FAF2: variants seen among roughly 807,000 people sequenced by gnomAD.
The protein encoded by FAF2 is Fas associated factor family member 2.
Under a neutral mutation model 62.3 loss-of-function variants are expected in FAF2, and 9 were observed. The observed-to-expected ratio is 0.14, with a 90% CI of 0.09 to 0.25. FAF2 has a LOEUF of 0.25. Ranked by LOEUF, FAF2 falls within the 10% of genes least tolerant of loss-of-function variation. The pLI is 1.00. For synonymous variants in FAF2, 202 were observed against 198.0 expected (o/e 1.02, Z -0.17); for missense variants, 368 against 556.2 (o/e 0.66, Z 3.40).
intron 10 of FAF2, among the ~76,000 whole-genome samples, chr5:176,505,469 A>AT (rs1182772571): frequency 3.3e-5 from 5 of 152,190 alleles, no homozygotes; most frequent in South Asian, 2.1e-4. Context: ...ATTGTATTGT[A>AT]TTTTTTTGTC....
rs185568689 is a variant in FAF2, at chr5:176,484,075, A to T, written c.133-2280A>T. On this transcript the variant is annotated intron_variant, in intron 2 of 10. Coordinates refer to ENST00000261942, the MANE Select transcript of FAF2 (RefSeq NM_014613.3). ...GTGACAGAGCTAGACTCCGTCTCAAAAAAAGAAAAAAAAAGAAAAAAAGGG... is the reference window on the plus strand; with the variant it reads ...GTGACAGAGCTAGACTCCGTCTCAATAAAAGAAAAAAAAAGAAAAAAAGGG... Among the ~76,000 whole-genome samples, 5 of 152,190 alleles carry T rather than the reference A, an allele frequency of 3.3e-5. No homozygotes were observed. In the East Asian group the frequency reaches 7.7e-4, roughly 24 times the overall value.
chr5:176,454,765 C>G (rs547465119), intron 1 of FAF2, among the ~76,000 whole-genome samples: 1 of 152,250 alleles, frequency 6.6e-6, no homozygotes, highest in South Asian at 2.1e-4. Flanking sequence ...TGGAAGCTCT[C>G]TTAACCTTAA....
Position 176,448,612 on chromosome 5 carries a change from C to T in FAF2, c.63+142C>T, listed in dbSNP as rs1041926214. 136 of 809,084 alleles carry T rather than the reference C, an allele frequency of 1.7e-4. 3 individuals carry two copies. The South Asian group carries it at 2.4e-3, about 14-fold the overall frequency. The allele number at this position is 809,084 out of a possible 1,614,324, so 50.1% of individuals were successfully genotyped here. On this transcript the variant is annotated intron_variant, in intron 1 of 10. Transcript: ENST00000261942. ...CCCCTCCCCCCCAGACTCCAACTGCCCTGATTCCCCCGGCCCCCAAGCCTC... is the reference window on the plus strand; with the variant it reads ...CCCCTCCCCCCCAGACTCCAACTGCTCTGATTCCCCCGGCCCCCAAGCCTC...
At chr5:176,482,893 GTTTTGT>G (rs1050221824) in intron 2 of FAF2, among the ~76,000 whole-genome samples, 13 of 144,728 alleles carry the variant, frequency 9.0e-5, no homozygotes, top group African/African-American at 1.3e-4. Flanking sequence ...GTGGTTTGTG[GTTTTGT>G]TGTTGTTGTT....
chr5:176,508,487 G>A lies in FAF2; in HGVS notation c.*1537G>A, dbSNP rs1581080150. Reference sequence around the variant, plus strand: ...CTAAAACCTAAGGACCACTGTTTTTGGTAGCAATTATATGGTTACTATCCA... The same window carrying A: ...CTAAAACCTAAGGACCACTGTTTTTAGTAGCAATTATATGGTTACTATCCA... On this transcript the variant is annotated 3_prime_UTR_variant, in exon 11 of 11. Transcript: ENST00000261942. The A allele has an allele frequency of 6.6e-6, 1 of 152,108 alleles. No homozygotes were observed. Among genetic ancestry groups the A allele is most frequent in the East Asian group, 1.9e-4 (1 of 5,192 alleles). The allele number at this position is 152,108 out of a possible 1,614,324, so 9.4% of individuals were successfully genotyped here.
chr5:176,453,040 A>T (rs1758216210), intron 1 of FAF2: 2 of 151,750 alleles, frequency 1.3e-5, no homozygotes, highest in South Asian at 4.2e-4. Context: ...TTTGGTTAGA[A>T]CTCCCCAAGG....
At chr5:176,481,846 G>A (rs1372389806) in intron 2 of FAF2, among the ~76,000 whole-genome samples, 2 of 152,126 alleles carry the variant, frequency 1.3e-5, no homozygotes, top group African/African-American at 4.8e-5. Flanking sequence ...GTGTGAATAT[G>A]TGTTTTCATT....
chr5:176,483,560 A>G (rs930216156), intron 2 of FAF2, among the ~76,000 whole-genome samples: 3 of 152,190 alleles, frequency 2.0e-5, no homozygotes, highest in Non-Finnish European at 4.4e-5. Flanking sequence ...GGACTACCTG[A>G]TATTAGCCAA....
intron 1 of FAF2, among the ~76,000 whole-genome samples, chr5:176,467,355 A>T (rs1435912961): frequency 6.6e-6 from 1 of 151,108 alleles, no homozygotes; most frequent in Admixed American, 6.6e-5. Context: ...TTTTTGAGTC[A>T]GTGTCGCCCT....
At chr5:176,491,353 T>C (rs1165313824) in intron 4 of FAF2, among the ~76,000 whole-genome samples, 1 of 152,150 alleles carries the variant, frequency 6.6e-6, no homozygotes, top group Non-Finnish European at 1.5e-5. Context: ...CCATTAGGTA[T>C]GTATTCTTCA....
In FAF2 at chr5:176,494,230, A is replaced by C. The variant is rs765393266; in HGVS notation, c.616A>C (p.Met206Leu). The change falls in exon 7 of 11, where the codon ATG becomes CTG. Residue 206 changes from methionine (M) to leucine (L), a missense_variant. Physicochemically the swap from Met to Leu is conservative, Grantham distance 15. Transcript: ENST00000261942. This position sits in a 1 kb window ranked among gnomAD's most constrained non-coding sequence, Gnocchi z 4.0. ...AGTTATTTCACTAATAAACACTAGG[A>C]TGCTCTTCTGGGCATGCTCTACAAA... is the stretch of plus-strand genomic sequence containing the variant. ...PEVISLINTR[M>L]LFWACSTNKP... 6.2e-7 allele frequency: 1 copy of C among 1,614,030 alleles called. No homozygotes were observed. Among genetic ancestry groups the C allele is most frequent in the Non-Finnish European group, 8.5e-7 (1 of 1,179,944 alleles).
intron 2 of FAF2, 95 bp downstream of exon 2, chr5:176,479,351 G>T: frequency 2.0e-6 from 2 of 986,372 alleles, no homozygotes; most frequent in Non-Finnish European, 3.2e-6. Context: ...CTTTTCAGTA[G>T]ATTTTTTTCA....
At chr5:176,470,540 G>A (rs372238824) in intron 1 of FAF2, among the ~76,000 whole-genome samples, 51 of 152,264 alleles carry the variant, frequency 3.3e-4, no homozygotes, top group Non-Finnish European at 5.7e-4. Flanking sequence ...TCGCGCCATC[G>A]CGCTCCAGCC....
At chr5:176,471,945 G>T (rs1758578208) in intron 1 of FAF2, among the ~76,000 whole-genome samples, 3 of 152,076 alleles carry the variant, frequency 2.0e-5, no homozygotes, top group African/African-American at 7.2e-5. Flanking sequence ...CTCCCAAAGT[G>T]CTGGGATTAC....
At chr5:176,465,508 C>T (rs1758452214) in intron 1 of FAF2, among the ~76,000 whole-genome samples, 1 of 151,390 alleles carries the variant, frequency 6.6e-6, no homozygotes, top group Non-Finnish European at 1.5e-5. Flanking sequence ...GCTGAGATTG[C>T]AGGCACCTGC....
intron 1 of FAF2, among the ~76,000 whole-genome samples, chr5:176,475,575 G>A (rs1233271838): frequency 1.3e-5 from 2 of 151,430 alleles, no homozygotes; most frequent in Non-Finnish European, 1.5e-5. Context: ...TGAGGAGTTC[G>A]AGACCAGCCT....
chr5:176,489,426 A>G (rs1015099949), intron 4 of FAF2, among the ~76,000 whole-genome samples: 1 of 151,194 alleles, frequency 6.6e-6, no homozygotes, highest in African/African-American at 2.4e-5. Context: ...CCACCTGACT[A>G]CTCACAATCC....
At chr5:176,489,496 G>C (rs1758934294) in intron 4 of FAF2, among the ~76,000 whole-genome samples, 1 of 151,888 alleles carries the variant, frequency 6.6e-6, no homozygotes, top group Admixed American at 6.6e-5. Flanking sequence ...CACAATAGTT[G>C]GACCTCCCTA....
At chr5:176,468,140 GGAC>G (rs1470404525) in intron 1 of FAF2, among the ~76,000 whole-genome samples, 1 of 152,180 alleles carries the variant, frequency 6.6e-6, no homozygotes, top group Non-Finnish European at 1.5e-5. Flanking sequence ...ACTCCAGCCT[GGAC>G]GACAAGAGTG....
Sources: allele counts gnomAD v4.1 joint callset (sites outside exome capture counted in the v4.1 genomes callset), GRCh38; gene constraint gnomAD v4.1.1; non-coding constraint Gnocchi (gnomAD v3.1); transcripts MANE v1.5; gene names NCBI Gene and HGNC (gene_info 2026-07-23, HGNC 2026-07-21).